CNTNAP3: variants seen among roughly 807,000 people sequenced by gnomAD.
CNTNAP3 encodes contactin-associated protein-like 3.
A neutral mutation model predicts 92.1 loss-of-function variants in CNTNAP3; 36 were observed. The ratio of observed to expected loss-of-function variants is 0.39; its 90% CI spans 0.30 to 0.52. The LOEUF (loss-of-function observed/expected upper bound fraction) is 0.52. Among genes scored for constraint, CNTNAP3 ranks in the 20% least tolerant of loss-of-function variants. The pLI, the probability that CNTNAP3 is intolerant of heterozygous loss-of-function variation, is 0.76. For missense variants in CNTNAP3, 534 were observed against 1,069.6 expected (o/e 0.50, Z 6.98); for synonymous variants, 232 against 422.3 (o/e 0.55, Z 5.53).
chr9:39,117,998 T>A, intron 14 of CNTNAP3, 105 bp downstream of exon 14: 1 of 1,590,184 alleles, frequency 6.3e-7, no homozygotes, highest in Non-Finnish European at 8.6e-7. Context: ...TGCTTGAACA[T>A]ACTTTAGTTA....
chr9:39,107,344 G>A lies in CNTNAP3; in HGVS notation c.2365+1816C>T, dbSNP rs538504891. Among the ~76,000 whole-genome samples the A allele has an allele frequency of 2.5e-3, 359 of 143,642 alleles. 1 individual carries two copies. The highest frequency in any genetic ancestry group is 8.6e-3 in the African/African-American group (344 of 39,952). 94.2% of individuals were successfully genotyped at this position (143,642 alleles called of 152,430 possible). A position where few individuals can be genotyped will look rare whatever the true frequency, so the allele number is the denominator to read the frequency against. On this transcript the variant is annotated intron_variant, in intron 15 of 23. Transcript: ENST00000297668. ...AAGGAAGGAAGGAAGGAGTATAAAA[G>A]CCAGACTGAATGGGAGGGAGGAAGG...
intron 14 of CNTNAP3, among the ~76,000 whole-genome samples, chr9:39,116,472 T>A (rs1019808316): frequency 4.7e-4 from 72 of 152,244 alleles, no homozygotes; most frequent in African/African-American, 1.7e-3. Flanking sequence ...CATCACATTA[T>A]CATACCAGAC....
In CNTNAP3 at chr9:39,078,774, C is replaced by A. The variant is rs529451837; in HGVS notation, c.3589G>T (p.Val1197Leu). The A allele has an allele frequency of 8.5e-5, 129 of 1,519,774 alleles. No individual in the cohort carries two copies. The East Asian group carries it at 2.5e-3, about 30-fold the overall frequency. The allele number at this position is 1,519,774 out of a possible 1,614,324, so 94.1% of individuals were successfully genotyped here. A position where few individuals can be genotyped will look rare whatever the true frequency, so the allele number is the denominator to read the frequency against. Reference sequence around the variant, plus strand: ...GCTGCGCAGCGGGCCATAGGGGCCACGTGGCCGCGGACGGTGACCCGGGAG... The same window carrying A: ...GCTGCGCAGCGGGCCATAGGGGCCAAGTGGCCGCGGACGGTGACCCGGGAG... ...GPSRVTVRGH[V>L]APMARCAAGA... The change falls in exon 22 of 24, where the codon GTG (valine) becomes TTG (leucine). Residue 1197 changes from valine (V) to leucine (L), a missense_variant. By Grantham distance (32) the Val-to-Leu change is conservative. Coordinates refer to ENST00000297668, the MANE Select transcript of CNTNAP3 (RefSeq NM_033655.5).
intron 23 of CNTNAP3, among the ~76,000 whole-genome samples, chr9:39,076,228 T>C (rs1379650466): frequency 2.0e-5 from 3 of 152,308 alleles, no homozygotes; most frequent in African/African-American, 7.2e-5. Context: ...CATTTCCTTC[T>C]CACCAAAAGC....
intron 18 of CNTNAP3, among the ~76,000 whole-genome samples, chr9:39,095,614 C>G (rs1374147619): frequency 1.4e-5 from 2 of 143,824 alleles, no homozygotes; most frequent in Admixed American, 6.8e-5. Flanking sequence ...TTCTATTAAT[C>G]TTGTGTAATA....
At chr9:39,095,570 CAATT>C (rs1826306625) in intron 18 of CNTNAP3, among the ~76,000 whole-genome samples, 1 of 143,932 alleles carries the variant, frequency 6.9e-6, no homozygotes, top group Non-Finnish European at 1.5e-5. Context: ...TTTTCAGCAA[CAATT>C]AAGATAATCA....
intron 13 of CNTNAP3, among the ~76,000 whole-genome samples, chr9:39,127,392 C>T (rs1376960260): frequency 6.6e-6 from 1 of 151,836 alleles, no homozygotes; most frequent in Admixed American, 6.6e-5. Context: ...ACAAAATTAA[C>T]TCATACAAGC....
chr9:39,119,831 A>C (rs940884251), intron 13 of CNTNAP3, among the ~76,000 whole-genome samples: 1 of 152,176 alleles, frequency 6.6e-6, no homozygotes, highest in African/African-American at 2.4e-5. Context: ...ATAACTTTTT[A>C]AAAAACTCTG....
chr9:39,114,347 A>G (rs978573202), intron 14 of CNTNAP3, among the ~76,000 whole-genome samples: 2 of 152,108 alleles, frequency 1.3e-5, no homozygotes, highest in African/African-American at 4.8e-5. Flanking sequence ...AGCCTCCCAA[A>G]GTGCTGGGAT....
At position 39,285,005 on chromosome 9, in the gene CNTNAP3, CTG is replaced by C. The variant is rs1225734878; in HGVS notation, c.85+2973_85+2974del. Among the ~76,000 whole-genome samples, 2 of 56,616 alleles carry C rather than the reference CTG, an allele frequency of 3.5e-5. 1 individual carries two copies. Among genetic ancestry groups the C allele is most frequent in the East Asian group, 1.3e-3 (2 of 1,500 alleles). The allele number at this position is 56,616 out of a possible 152,430, so 37.1% of individuals were successfully genotyped here. A position where few individuals can be genotyped will look rare whatever the true frequency, so the allele number is the denominator to read the frequency against. ...CTGTAAAAATAATTATTCCTACACT[CTG>C]TGAGATCTCTTTCCTGACACATTTC... On this transcript the variant is annotated intron_variant, in intron 1 of 23. Transcript: ENST00000297668.
Position 39,117,463 on chromosome 9 carries a change from C to G in CNTNAP3, c.2237+640G>C, listed in dbSNP as rs565338917. Among the ~76,000 whole-genome samples, 399 of 152,212 alleles carry G rather than the reference C, an allele frequency of 2.6e-3. 3 individuals carry two copies. The highest frequency in any genetic ancestry group is 9.1e-3 in the African/African-American group (376 of 41,532). On this transcript the variant is annotated intron_variant, in intron 14 of 23. Transcript: ENST00000297668. ...TCAAAAAGAACTTCTGAAAAAAAGG[C>G]ATTGCAATCTACATGAGAAAATTGT... is the stretch of plus-strand genomic sequence containing the variant.
rs1213901703 is a variant in CNTNAP3, at chr9:39,071,549, G to T, written c.*2341C>A. ...TTTCTTTTTTAATTTGAAGAAAAAA[G>T]TTGGGAAATTATTATGCTTTTACTT... On this transcript the variant is annotated 3_prime_UTR_variant, in exon 24 of 24. Transcript: ENST00000297668. Among the ~76,000 whole-genome samples, 2 of 151,966 alleles carry T rather than the reference G, an allele frequency of 1.3e-5. No individual in the cohort carries two copies. The highest frequency in any genetic ancestry group is 2.1e-4 in the South Asian group (1 of 4,816).
chr9:39,080,453 TCTC>T (rs1825906721), intron 21 of CNTNAP3, among the ~76,000 whole-genome samples: 1 of 135,600 alleles, frequency 7.4e-6, no homozygotes, highest in Non-Finnish European at 1.6e-5. Flanking sequence ...AATCCACACT[TCTC>T]CTTGTTGTAT....
intron 13 of CNTNAP3, among the ~76,000 whole-genome samples, chr9:39,130,099 G>A (rs975039249): frequency 3.3e-5 from 5 of 152,258 alleles, no homozygotes; most frequent in Middle Eastern, 3.4e-3. Flanking sequence ...ATAAAACTAA[G>A]TATGCAATTA....
chr9:39,134,627 C>T (rs1821384622), intron 12 of CNTNAP3, among the ~76,000 whole-genome samples: 1 of 152,108 alleles, frequency 6.6e-6, no homozygotes, highest in African/African-American at 2.4e-5. Flanking sequence ...GGGGTTTCAC[C>T]ATGTTGGCCA....
Position 39,068,548 on chromosome 9 carries a change from T to G in CNTNAP3, c.*5342A>C, listed in dbSNP as rs1037095959. Among the ~76,000 whole-genome samples the G allele has an allele frequency of 9.2e-5, 14 of 152,408 alleles. No homozygotes were observed. The highest frequency in any genetic ancestry group is 3.9e-4 in the Admixed American group (6 of 15,314). ...AAAGGTTGATAAATGCCGCTGTAAT[T>G]CTTTTGAGTGTTTCTTTCCCTTGCC... On this transcript the variant is annotated 3_prime_UTR_variant, in exon 24 of 24. Coordinates refer to ENST00000297668, the MANE Select transcript of CNTNAP3 (RefSeq NM_033655.5).
At chr9:39,148,143 G>A (rs1821748322) in intron 10 of CNTNAP3, among the ~76,000 whole-genome samples, 1 of 151,894 alleles carries the variant, frequency 6.6e-6, no homozygotes, top group African/African-American at 2.4e-5. Flanking sequence ...ACAGAGTGGG[G>A]TTCTGGAGCT....
chr9:39,071,542 GAA>G lies in CNTNAP3; in HGVS notation c.*2346_*2347del, dbSNP rs1825634878. ...ATGCTATTTTCTTTTTTAATTTGAA[GAA>G]AAAAGTTGGGAAATTATTATGCTTT... On this transcript the variant is annotated 3_prime_UTR_variant, in exon 24 of 24. Transcript: ENST00000297668. Among the ~76,000 whole-genome samples, 1 of 151,964 alleles carries G rather than the reference GAA, an allele frequency of 6.6e-6. No homozygotes were observed. The highest frequency in any genetic ancestry group is 2.1e-4 in the South Asian group (1 of 4,826).
chr9:39,174,320 A>T (rs930906904), intron 7 of CNTNAP3: 39 of 403,088 alleles, frequency 9.7e-5, no homozygotes, highest in African/African-American at 7.9e-4. Flanking sequence ...GGTATTTTTC[A>T]TTTTTATGAT....
Sources: allele counts gnomAD v4.1 joint callset (sites outside exome capture counted in the v4.1 genomes callset), GRCh38; gene constraint gnomAD v4.1.1; transcripts MANE v1.5; gene names NCBI Gene and HGNC (gene_info 2026-07-23, HGNC 2026-07-21).